The following PTPRN2 variants were observed in gnomAD, a reference collection of about 807,000 sequenced individuals.
PTPRN2 encodes the protein protein tyrosine phosphatase receptor type N2.
In PTPRN2, 74 loss-of-function variants were observed where a neutral mutation model predicts 118.8. That is an observed-to-expected ratio of 0.62 (90% CI 0.52 to 0.76). The LOEUF is 0.76. PTPRN2 is among the 30% of genes least tolerant of loss of function. The pLI, the probability that PTPRN2 is intolerant of heterozygous loss-of-function variation, is 0.00. For missense variants in PTPRN2, 1,481 were observed against 1,394.4 expected (o/e 1.06, Z -0.99); for synonymous variants, 641 against 608.0 (o/e 1.05, Z -0.80).
chr7:158,304,494 C>G (rs1439849371), intron 3 of PTPRN2, among the ~76,000 whole-genome samples: 3 of 151,720 alleles, frequency 2.0e-5, no homozygotes, highest in African/African-American at 7.3e-5. Context: ...TTTCTACATT[C>G]TAGGGAGGCA....
chr7:157,543,822 C>A (rs2116953573), intron 22 of PTPRN2, among the ~76,000 whole-genome samples: 2 of 152,334 alleles, frequency 1.3e-5, no homozygotes, highest in East Asian at 3.9e-4. Flanking sequence ...CTGTGTCTGT[C>A]ACCTTCAGCT....
At chr7:158,441,094 TA>T (rs756577035) in intron 2 of PTPRN2, among the ~76,000 whole-genome samples, 4 of 144,212 alleles carry the variant, frequency 2.8e-5, no homozygotes, top group South Asian at 2.1e-4. Flanking sequence ...GTGGTAGTGA[TA>T]GGGGTGGTAG....
intron 3 of PTPRN2, among the ~76,000 whole-genome samples, chr7:158,244,837 A>G (rs56281292): frequency 0.77 from 116,628 of 151,314 alleles, 45,095 homozygotes; most frequent in East Asian, 0.84. Context: ...AGTTGTGCAC[A>G]TGTGAGTGTA....
chr7:157,784,522 C>T lies in PTPRN2; in HGVS notation c.1789-101585G>A, dbSNP rs968307810. ...GGAACCACCTCAGCCTCAGCCTCAGCGCTGGAGAGAAAGCCCTATCCCGCT... is the reference window on the plus strand; with the variant it reads ...GGAACCACCTCAGCCTCAGCCTCAGTGCTGGAGAGAAAGCCCTATCCCGCT... On this transcript the variant is annotated intron_variant, in intron 12 of 22. Transcript: ENST00000389418. This position sits in a 1 kb window ranked among gnomAD's most constrained non-coding sequence, Gnocchi z 4.6. Among the ~76,000 whole-genome samples, 9 of 152,194 alleles carry T rather than the reference C, an allele frequency of 5.9e-5. No homozygotes were observed. The highest frequency in any genetic ancestry group is 1.9e-4 in the African/African-American group (8 of 41,454).
intron 11 of PTPRN2, among the ~76,000 whole-genome samples, chr7:157,966,956 G>A (rs954403774): frequency 6.6e-6 from 1 of 152,074 alleles, no homozygotes; most frequent in African/African-American, 2.4e-5. Context: ...AAAAAGTTCT[G>A]TGTTTGAAAG....
intron 14 of PTPRN2, among the ~76,000 whole-genome samples, chr7:157,634,738 G>A (rs1191802555): frequency 3.3e-5 from 5 of 152,240 alleles, no homozygotes; most frequent in East Asian, 1.9e-4. Flanking sequence ...AAACAATTCT[G>A]TGAAAGATTC....
At position 158,563,259 on chromosome 7, in the gene PTPRN2, A is replaced by G. The variant is rs1827492243; in HGVS notation, c.112+24299T>C. On this transcript the variant is annotated intron_variant, in intron 1 of 22. Coordinates refer to ENST00000389418, the MANE Select transcript of PTPRN2 (RefSeq NM_002847.5). This position sits in a 1 kb window ranked among gnomAD's most constrained non-coding sequence, Gnocchi z 5.1. ...GTCCTAAAATGGCTTCTTGGAAAAT[A>G]TGAAATTGCTGACCGATCCCCAGCA... Among the ~76,000 whole-genome samples the G allele has an allele frequency of 6.6e-6, 1 of 152,240 alleles. No homozygotes were observed. The highest frequency in any genetic ancestry group is 2.4e-5 in the African/African-American group (1 of 41,462).
chr7:158,073,130 C>T (rs1812069346), intron 11 of PTPRN2, among the ~76,000 whole-genome samples: 2 of 152,078 alleles, frequency 1.3e-5, no homozygotes, highest in Admixed American at 1.3e-4. Context: ...ATCACCTTTG[C>T]ACTCAGCACC....
rs1051249597 is a variant in PTPRN2 at position 157,690,908 on chromosome 7, C to T, written c.1789-7971G>A. Among the ~76,000 whole-genome samples, 1 of 145,838 alleles carries T rather than the reference C, an allele frequency of 6.9e-6. No individual in the cohort carries two copies. The highest frequency in any genetic ancestry group is 6.8e-5 in the Admixed American group (1 of 14,730). The stretch of plus-strand genomic sequence containing the variant: ...ACGCTGGGCCGGGGCGCGGCGCGGG[C>T]GGGCTCAGGGCGGGCTCCGGACGGT... On this transcript the variant is annotated intron_variant, in intron 12 of 22. Transcript: ENST00000389418. The surrounding 1 kb of genome is among the most constrained non-coding windows in gnomAD (Gnocchi z 7.1).
At chr7:158,194,805 G>A (rs953892046) in intron 4 of PTPRN2, among the ~76,000 whole-genome samples, 39 of 152,234 alleles carry the variant, frequency 2.6e-4, no homozygotes, top group African/African-American at 9.4e-4. Flanking sequence ...GTGTATAACT[G>A]TCACGTTTAA....
At chr7:158,331,559 G>GA (rs1219997252) in intron 2 of PTPRN2, among the ~76,000 whole-genome samples, 1 of 141,850 alleles carries the variant, frequency 7.0e-6, no homozygotes, top group Non-Finnish European at 1.5e-5. Context: ...GACACCCGCA[G>GA]ACGTCACTCA....
At chr7:158,151,162 C>T (rs200321348) in intron 6 of PTPRN2, among the ~76,000 whole-genome samples, 15 of 44,300 alleles carry the variant, frequency 3.4e-4, no homozygotes, top group East Asian at 8.6e-4. Flanking sequence ...TCCCTGCCCA[C>T]ACCGCCCGCC....
chr7:157,686,032 G>T (rs1548669), intron 12 of PTPRN2, among the ~76,000 whole-genome samples: 23,602 of 152,282 alleles, frequency 0.15, 2,309 homozygotes, highest in Non-Finnish European at 0.22. Flanking sequence ...GCGGGACCTG[G>T]ACAGCCGGGG....
intron 9 of PTPRN2, among the ~76,000 whole-genome samples, chr7:158,121,209 CCTCCCCA>C (rs918411058): frequency 3.3e-5 from 5 of 152,158 alleles, no homozygotes; most frequent in African/African-American, 1.2e-4. Context: ...CCTCCCTGGG[CCTCCCCA>C]TCCTTGGAGC....
chr7:157,757,987 C>T (rs1252244884), intron 12 of PTPRN2, among the ~76,000 whole-genome samples: 2 of 149,830 alleles, frequency 1.3e-5, no homozygotes, highest in African/African-American at 2.6e-5. Context: ...GGATCATCCA[C>T]GGGGCAGCCC....
intron 6 of PTPRN2, among the ~76,000 whole-genome samples, chr7:158,148,761 C>A (rs1585627581): frequency 8.8e-5 from 7 of 79,584 alleles, no homozygotes; most frequent in Admixed American, 2.4e-4. Context: ...TCTCACGCCA[C>A]GTGTCTTTCC....
At chr7:157,797,925 T>TCCTTTGAC (rs1049538196) in intron 12 of PTPRN2, among the ~76,000 whole-genome samples, 1 of 152,242 alleles carries the variant, frequency 6.6e-6, no homozygotes, top group African/African-American at 2.4e-5. Flanking sequence ...TGCTCATCTT[T>TCCTTTGAC]CCTTTGACCC....
At chr7:158,335,219 G>A (rs1253740217) in intron 2 of PTPRN2, among the ~76,000 whole-genome samples, 1 of 26,254 alleles carries the variant, frequency 3.8e-5, no homozygotes, top group Admixed American at 3.6e-4. Flanking sequence ...GCCTGCAGAC[G>A]TCACTCACAC....
rs149592064 is a variant in PTPRN2, at chr7:157,581,406, A to G, written c.2497-3266T>C. Among the ~76,000 whole-genome samples, 479 of 152,262 alleles carry G rather than the reference A, an allele frequency of 3.1e-3. 3 individuals carry two copies. Among genetic ancestry groups the G allele is most frequent in the African/African-American group, 0.011 (457 of 41,550 alleles). On this transcript the variant is annotated intron_variant, in intron 17 of 22. Coordinates refer to ENST00000389418, the MANE Select transcript of PTPRN2 (RefSeq NM_002847.5). ...GTGGGCCTGGGGTGGGGAGGGGAGC[A>G]ATGTTGCGCTTTGCTGTTTATGATT...
Sources: gnomAD v4.1 joint callset for allele counts (sites outside exome capture counted in the v4.1 genomes callset) on GRCh38, gnomAD v4.1.1 for gene constraint, Gnocchi (gnomAD v3.1) non-coding constraint, MANE v1.5 for transcripts, NCBI Gene and HGNC (gene_info 2026-07-23, HGNC 2026-07-21) for gene names.